Variants in KCTD1 observed in about 807,000 individuals in gnomAD.
The protein encoded by KCTD1 is potassium channel tetramerization domain containing 1.
KCTD1 carries 24 observed loss-of-function variants against 66.0 expected under a neutral mutation model. That is an observed-to-expected ratio of 0.36 (90% CI 0.26 to 0.51). The LOEUF is 0.51. Ranked by LOEUF, KCTD1 falls within the 20% of genes least tolerant of loss-of-function variation. The pLI, the probability that KCTD1 is intolerant of heterozygous loss-of-function variation, is 0.95. For synonymous variants in KCTD1, 511 were observed against 517.2 expected (o/e 0.99, Z 0.16); for missense variants, 943 against 1,205.2 (o/e 0.78, Z 3.22).
At chr18:26,490,081 G>T (rs570689086) in intron 2 of KCTD1, among the ~76,000 whole-genome samples, 1 of 152,148 alleles carries the variant, frequency 6.6e-6, no homozygotes, top group South Asian at 2.1e-4. Flanking sequence ...TGTCCCAAGC[G>T]ATGTGGATTG....
intron 1 of KCTD1, chr18:26,545,503 G>C (rs1985170044): frequency 6.6e-6 from 1 of 152,090 alleles, no homozygotes; most frequent in South Asian, 2.1e-4. Context: ...ACGTTTGAAA[G>C]GGTCAGTGTG....
At chr18:26,558,251 G>A (rs1056763824) in intron 1 of KCTD1, among the ~76,000 whole-genome samples, 1 of 152,194 alleles carries the variant, frequency 6.6e-6, no homozygotes, top group African/African-American at 2.4e-5. Flanking sequence ...AAACTACAAT[G>A]AGATATCATC....
intron 1 of KCTD1, among the ~76,000 whole-genome samples, chr18:26,589,382 G>A (rs775127320): frequency 1.3e-5 from 2 of 152,148 alleles, no homozygotes; most frequent in Non-Finnish European, 2.9e-5. Context: ...TCATCCTCAT[G>A]AAACCTCTAT....
chr18:26,496,866 T>C (rs1269580742), intron 2 of KCTD1, among the ~76,000 whole-genome samples: 4 of 152,124 alleles, frequency 2.6e-5, no homozygotes, highest in East Asian at 1.9e-4. Context: ...GAAATAATCA[T>C]TGAGGAAGAG....
chr18:26,521,009 G>A (rs1159054176), intron 1 of KCTD1, among the ~76,000 whole-genome samples: 1 of 152,218 alleles, frequency 6.6e-6, no homozygotes, highest in African/African-American at 2.4e-5. Flanking sequence ...TGTTCATTGT[G>A]GAACCTTTTC....
intron 1 of KCTD1, among the ~76,000 whole-genome samples, chr18:26,546,192 C>A (rs1178454080): frequency 1.3e-5 from 2 of 150,032 alleles, no homozygotes; most frequent in African/African-American, 4.9e-5. Flanking sequence ...TGGCACTCAA[C>A]TGCCTGGCTC....
At chr18:26,497,826 G>C (rs537877897) in intron 2 of KCTD1, among the ~76,000 whole-genome samples, 1 of 152,266 alleles carries the variant, frequency 6.6e-6, no homozygotes, top group South Asian at 2.1e-4. Context: ...AGGATGTCTC[G>C]GAACTTGTGA....
intron 1 of KCTD1, among the ~76,000 whole-genome samples, chr18:26,593,082 C>G (rs777003413): frequency 6.6e-6 from 1 of 152,176 alleles, no homozygotes; most frequent in African/African-American, 2.4e-5. Context: ...CTCTCGTCCC[C>G]CTCTGGGCTT....
At chr18:26,541,527 G>A (rs913991675) in intron 1 of KCTD1, among the ~76,000 whole-genome samples, 2 of 152,228 alleles carry the variant, frequency 1.3e-5, no homozygotes, top group East Asian at 1.9e-4. Context: ...GCTGTCATAT[G>A]TAAGTGGATC....
intron 1 of KCTD1, among the ~76,000 whole-genome samples, chr18:26,570,523 C>T (rs1427071484): frequency 6.6e-6 from 1 of 152,112 alleles, no homozygotes; most frequent in East Asian, 1.9e-4. Context: ...ATATTCCTGC[C>T]TCAGCCTCCC....
intron 1 of KCTD1, chr18:26,599,846 G>A (rs935058243): frequency 5.1e-6 from 8 of 1,557,382 alleles, no homozygotes; most frequent in Admixed American, 5.0e-5. Context: ...GAACACCTTG[G>A]TCATGAAAGT....
At chr18:26,456,405 T>C (rs543260422) in intron 4 of KCTD1, 2 of 152,510 alleles carry the variant, frequency 1.3e-5, no homozygotes, top group East Asian at 3.9e-4. Flanking sequence ...CAACTCCGCC[T>C]TTGTTCAAGT....
At chr18:26,489,468 T>G (rs1982080857) in intron 2 of KCTD1, among the ~76,000 whole-genome samples, 1 of 152,156 alleles carries the variant, frequency 6.6e-6, no homozygotes, top group Non-Finnish European at 1.5e-5. Context: ...AAGCTGGTGT[T>G]GAACTTCCAG....
intron 2 of KCTD1, among the ~76,000 whole-genome samples, chr18:26,480,927 G>A (rs928723502): frequency 1.1e-4 from 17 of 152,182 alleles, no homozygotes; most frequent in African/African-American, 3.9e-4. Context: ...TTAAAGAATG[G>A]TCTTAAGTCA....
chr18:26,557,972 T>A (rs1985747146), intron 1 of KCTD1, among the ~76,000 whole-genome samples: 1 of 152,244 alleles, frequency 6.6e-6, no homozygotes, highest in Non-Finnish European at 1.5e-5. Flanking sequence ...ACAGTCTAAT[T>A]TCCTGACATT....
intron 1 of KCTD1, among the ~76,000 whole-genome samples, chr18:26,508,908 T>C (rs1432007934): frequency 6.6e-6 from 1 of 152,174 alleles, no homozygotes; most frequent in African/African-American, 2.4e-5. Flanking sequence ...ACATAATCAT[T>C]GGACCCTCAA....
chr18:26,528,520 A>C (rs548961208), intron 1 of KCTD1, among the ~76,000 whole-genome samples: 4 of 152,106 alleles, frequency 2.6e-5, no homozygotes, highest in Admixed American at 6.5e-5. Flanking sequence ...AACGTACGGG[A>C]TCCACCTATC....
intron 1 of KCTD1, among the ~76,000 whole-genome samples, chr18:26,520,870 T>A (rs1174375012): frequency 6.6e-6 from 1 of 152,240 alleles, no homozygotes; most frequent in African/African-American, 2.4e-5. Context: ...CCTGTTTTAA[T>A]TTCCTAAAGG....
chr18:26,575,285 C>G (rs1233093858), intron 1 of KCTD1: 1 of 152,170 alleles, frequency 6.6e-6, no homozygotes, highest in African/African-American at 2.4e-5. Flanking sequence ...AGCAAAGCAT[C>G]GCCGAGTCGT....
Sources: gnomAD v4.1 joint callset for allele counts (sites outside exome capture counted in the v4.1 genomes callset) on GRCh38, gnomAD v4.1.1 for gene constraint, MANE v1.5 for transcripts, NCBI Gene and HGNC (gene_info 2026-07-23, HGNC 2026-07-21) for gene names.